LAMC3: variants seen among roughly 807,000 people sequenced by gnomAD.
LAMC3 encodes laminin subunit gamma-3.
In LAMC3, 128 loss-of-function variants were observed where a neutral mutation model predicts 173.8. That is an observed-to-expected ratio of 0.74 (90% CI 0.64 to 0.85). The LOEUF (loss-of-function observed/expected upper bound fraction) is 0.85. Ranked by LOEUF, LAMC3 falls within the 40% of genes least tolerant of loss-of-function variation. The pLI, the probability that LAMC3 is intolerant of heterozygous loss-of-function variation, is 0.00. For synonymous variants in LAMC3, 897 were observed against 909.1 expected (o/e 0.99, Z 0.24); for missense variants, 2,022 against 2,156.0 (o/e 0.94, Z 1.23).
chr9:131,048,562 C>A (rs1381779893), intron 8 of LAMC3, among the ~76,000 whole-genome samples: 1 of 152,158 alleles, frequency 6.6e-6, no homozygotes, highest in East Asian at 1.9e-4. Flanking sequence ...GTGTTAACTG[C>A]TGTGGCCAGA....
chr9:131,077,712 A>C (rs1830159254), intron 22 of LAMC3, among the ~76,000 whole-genome samples: 2 of 133,996 alleles, frequency 1.5e-5, no homozygotes, highest in South Asian at 2.5e-4. Context: ...AAAAAAAAAA[A>C]ACTATTATAG....
chr9:131,052,779 A>AC, intron 10 of LAMC3, 71 bp from the exon 11 acceptor site: 1 of 1,261,878 alleles, frequency 7.9e-7, no homozygotes, highest in East Asian at 2.3e-5. Context: ...CTGGGGGGCT[A>AC]CCCCCCATCC....
chr9:131,083,692 C>T (rs957144325), intron 24 of LAMC3, among the ~76,000 whole-genome samples: 5 of 152,036 alleles, frequency 3.3e-5, no homozygotes, highest in Non-Finnish European at 5.9e-5. Flanking sequence ...TTGTTAACAC[C>T]GTGGAGAATT....
intron 3 of LAMC3, among the ~76,000 whole-genome samples, chr9:131,035,735 C>T (rs1833931719): frequency 6.6e-6 from 1 of 152,160 alleles, no homozygotes; most frequent in Non-Finnish European, 1.5e-5. Flanking sequence ...CTGCTGGAGG[C>T]GGTTCCCTTT....
chr9:131,044,093 G>C (rs1030568906), intron 7 of LAMC3, among the ~76,000 whole-genome samples: 54 of 151,662 alleles, frequency 3.6e-4, no homozygotes, highest in Non-Finnish European at 1.2e-4. Context: ...TAAGTAGCTA[G>C]GATTATAGGC....
Position 131,079,440 on chromosome 9 carries a change from A to G in LAMC3, c.3927+142A>G, listed in dbSNP as rs1335694249. The G allele has an allele frequency of 1.2e-5, 12 of 961,688 alleles. No homozygotes were observed. The South Asian group carries it at 1.7e-4, about 14-fold the overall frequency. The allele number at this position is 961,688 out of a possible 1,614,324, so 59.6% of individuals were successfully genotyped here. ...CCGGGTGTAGTGGCTCACACCTGTA[A>G]TCCCACCACTTTGGGAGGCCGAGAC... is the stretch of plus-strand genomic sequence containing the variant. On this transcript the variant is annotated intron_variant, in intron 23 of 27. Coordinates refer to ENST00000361069, the MANE Select transcript of LAMC3 (RefSeq NM_006059.4).
rs189460297 is a variant in LAMC3 at position 131,045,095 on chromosome 9, G to A, written c.1383-429G>A. The stretch of plus-strand genomic sequence containing the variant: ...AAATTAGCCGGGTGTGGTGGCAGGC[G>A]CCTGCAATCCCAGCTACCCGGGAGG... On this transcript the variant is annotated intron_variant, in intron 7 of 27. Coordinates refer to ENST00000361069, the MANE Select transcript of LAMC3 (RefSeq NM_006059.4). 4.4e-4 allele frequency among the ~76,000 whole-genome samples: 67 copies of A among 151,994 alleles called. 1 individual carries two copies. The East Asian group carries it at 0.011, about 24-fold the overall frequency.
At chr9:131,043,070 A>G (rs1251496023) in intron 7 of LAMC3, among the ~76,000 whole-genome samples, 4 of 150,372 alleles carry the variant, frequency 2.7e-5, no homozygotes, top group Non-Finnish European at 4.4e-5. Flanking sequence ...GCCCTACTAT[A>G]ACCTCAGGAT....
At position 131,066,976 on chromosome 9, in the gene LAMC3, C is replaced by A. The variant is rs757561271; in HGVS notation, c.2364C>A (p.Val788=). The part of the protein sequence containing the change: ...PPGQRGRRCE[V]CDDGFFGDPL... ...TACACACAGGGCGGCGCTGTGAGGT[C>A]TGTGATGATGGCTTTTTTGGGGACC... is the stretch of plus-strand genomic sequence containing the variant. The change falls in exon 14 of 28, where the codon GTC becomes GTA. Residue 788 remains valine, a synonymous_variant. Transcript: ENST00000361069. 3.1e-6 allele frequency: 5 copies of A among 1,613,930 alleles called. No individual in the cohort carries two copies. In the South Asian group the frequency reaches 4.4e-5, roughly 14 times the overall value.
Position 131,069,714 on chromosome 9 carries a change from A to G in LAMC3, c.2933A>G (p.His978Arg), listed in dbSNP as rs1402669472. The change falls in exon 17 of 28, where the codon CAC becomes CGC. Residue 978 changes from histidine to arginine, a missense_variant. His to Arg is a conservative substitution (Grantham distance 29, BLOSUM62 0). Transcript: ENST00000361069. ...CTGGGCGCTGCCTCGGCCCAGTGCC[A>G]CGAGAACGGCACATGCGTGTGCAGG... Reference protein sequence around the residue: ...SPLGAASAQCHENGTCVCRPG... With the variant: ...SPLGAASAQCRENGTCVCRPG... The G allele has an allele frequency of 1.9e-6, 3 of 1,604,100 alleles. No homozygotes were observed. The African/African-American group carries it at 4.0e-5, about 21-fold the overall frequency.
intron 9 of LAMC3, among the ~76,000 whole-genome samples, chr9:131,050,225 G>A (rs112247806): frequency 1.3e-3 from 196 of 152,378 alleles, no homozygotes; most frequent in African/African-American, 4.4e-3. Flanking sequence ...ATGGATGGAC[G>A]GCCTGTCCTC....
chr9:131,013,742 C>G (rs1316067805), intron 1 of LAMC3, among the ~76,000 whole-genome samples: 2 of 152,154 alleles, frequency 1.3e-5, no homozygotes, highest in Non-Finnish European at 2.9e-5. Context: ...TTCGACCTGC[C>G]GGGCCTGGAT....
rs1405823068 is a variant in LAMC3 at position 131,041,736 on chromosome 9, G to A, written c.1382+1G>A. ...ATGTGGAAGGCAACCTATGTGACAG[G>A]TTTGTGAGCTAATCCAGCAGTAAGC... On this transcript the variant is annotated splice_donor_variant, in intron 7 of 27. Transcript: ENST00000361069. LOFTEE classifies it high-confidence loss of function. The A allele has an allele frequency of 6.2e-7, 1 of 1,612,766 alleles. No individual in the cohort carries two copies. The highest frequency in any genetic ancestry group is 8.5e-7 in the Non-Finnish European group (1 of 1,179,740).
chr9:131,059,155 C>T (rs772230167), intron 12 of LAMC3, among the ~76,000 whole-genome samples: 10 of 151,300 alleles, frequency 6.6e-5, no homozygotes, highest in African/African-American at 1.2e-4. Context: ...GGGATCGCGC[C>T]GCTGCACTCT....
intron 25 of LAMC3, among the ~76,000 whole-genome samples, chr9:131,086,488 G>A (rs987762470): frequency 6.6e-6 from 1 of 151,342 alleles, no homozygotes. Flanking sequence ...GCTCACTGCA[G>A]CCTCAAACCC....
intron 17 of LAMC3, among the ~76,000 whole-genome samples, chr9:131,070,708 T>A (rs1352244204): frequency 6.6e-6 from 1 of 151,840 alleles, no homozygotes; most frequent in East Asian, 1.9e-4. Flanking sequence ...AGCAAGACTC[T>A]GTCTAAAAAA....
At chr9:131,045,756 AT>A in intron 8 of LAMC3, 96 bp downstream of exon 8, 1 of 1,470,306 alleles carries the variant, frequency 6.8e-7, no homozygotes, top group Non-Finnish European at 9.4e-7. Context: ...TGGATCTCCC[AT>A]TGTGGAGAGG....
chr9:131,075,541 C>T (rs144960979), intron 20 of LAMC3, among the ~76,000 whole-genome samples: 65 of 137,918 alleles, frequency 4.7e-4, no homozygotes, highest in African/African-American at 1.6e-3. Flanking sequence ...CTAGCCTGGG[C>T]AATAGAGTGA....
intron 11 of LAMC3, among the ~76,000 whole-genome samples, chr9:131,053,291 C>A (rs1834335707): frequency 6.6e-6 from 1 of 152,174 alleles, no homozygotes; most frequent in African/African-American, 2.4e-5. Flanking sequence ...TCCACCAAGC[C>A]CCCTGTCCCC....
Sources: allele counts gnomAD v4.1 joint callset (sites outside exome capture counted in the v4.1 genomes callset), GRCh38; gene constraint gnomAD v4.1.1; transcripts MANE v1.5; gene names NCBI Gene and HGNC (gene_info 2026-07-23, HGNC 2026-07-21).